AGAP1: variants seen among roughly 807,000 people sequenced by gnomAD.
The protein encoded by AGAP1 is arf-GAP with GTPase, ANK repeat and PH domain-containing protein 1.
Under a neutral mutation model 105.3 loss-of-function variants are expected in AGAP1, and 29 were observed. The observed-to-expected ratio is 0.28, with a 90% CI of 0.21 to 0.38. The LOEUF is 0.38. AGAP1 is among the 10% of genes least tolerant of loss of function. The probability of loss-of-function intolerance (pLI) is 1.00; values close to 1 mark genes in which losing one functional copy is unlikely to be tolerated. For synonymous variants in AGAP1, 509 were observed against 485.9 expected (o/e 1.05, Z -0.63); for missense variants, 998 against 1,165.1 (o/e 0.86, Z 2.09).
intron 1 of AGAP1, among the ~76,000 whole-genome samples, chr2:235,694,258 T>A (rs950472847): frequency 6.7e-6 from 1 of 148,652 alleles, no homozygotes; most frequent in Non-Finnish European, 1.5e-5. Context: ...GGCGGGCGGA[T>A]CATGGGGTCA....
rs141492901 is a variant in AGAP1, at chr2:236,051,878, G to A, written c.2114+2597G>A. The stretch of plus-strand genomic sequence containing the variant: ...GTCCAAAGCAAAACACACCCAGCCC[G>A]ATAACAGAGTAGAAATTCAGACTCC... On this transcript the variant is annotated intron_variant, in intron 16 of 17. Transcript: ENST00000304032. This position sits in a 1 kb window ranked among gnomAD's most constrained non-coding sequence, Gnocchi z 5.9. Among the ~76,000 whole-genome samples the A allele has an allele frequency of 1.3e-5, 2 of 152,248 alleles. No individual in the cohort carries two copies. Among genetic ancestry groups the A allele is most frequent in the South Asian group, 2.1e-4 (1 of 4,812 alleles).
At position 235,604,295 on chromosome 2, in the gene AGAP1, C is replaced by T. The variant is rs372670810; in HGVS notation, c.164-104884C>T. Among the ~76,000 whole-genome samples the T allele has an allele frequency of 2.0e-4, 30 of 152,020 alleles. No homozygotes were observed. The East Asian group carries it at 5.3e-3, about 27-fold the overall frequency. On this transcript the variant is annotated intron_variant, in intron 1 of 17. Transcript: ENST00000304032. ...AGGGATTTGAGACCAGGCTGGGCAGCATAGTGAGACCCCGCCTATACAACA... is the reference window on the plus strand; with the variant it reads ...AGGGATTTGAGACCAGGCTGGGCAGTATAGTGAGACCCCGCCTATACAACA...
rs1274575239 is a variant in AGAP1, at chr2:235,834,899, A to G, written c.1050+27568A>G. On this transcript the variant is annotated intron_variant, in intron 9 of 17. Transcript: ENST00000304032. ...AGGGAGAGCCTGTCTTAATCACGCC[A>G]CGCAGGTGGAACAGACTCTATGCAG... Among the ~76,000 whole-genome samples, 3 of 152,224 alleles carry G rather than the reference A, an allele frequency of 2.0e-5. No individual in the cohort carries two copies. The East Asian group carries it at 5.8e-4, about 29-fold the overall frequency.
intron 6 of AGAP1, among the ~76,000 whole-genome samples, chr2:235,755,224 G>T (rs1953821515): frequency 6.6e-6 from 1 of 152,174 alleles, no homozygotes; most frequent in South Asian, 2.1e-4. Flanking sequence ...GTCAGATTCT[G>T]CATGGCTCTG....
intron 12 of AGAP1, among the ~76,000 whole-genome samples, chr2:235,968,032 C>T (rs2125341567): frequency 6.6e-6 from 1 of 152,338 alleles, no homozygotes; most frequent in East Asian, 1.9e-4. Flanking sequence ...TTATCCTGTG[C>T]ACCCACAGGA....
chr2:235,805,524 T>C (rs144779186), intron 8 of AGAP1, among the ~76,000 whole-genome samples: 32 of 152,302 alleles, frequency 2.1e-4, no homozygotes, highest in African/African-American at 6.5e-4. Flanking sequence ...ATTCCCAAAG[T>C]ACTCTTAAAT....
intron 13 of AGAP1, among the ~76,000 whole-genome samples, chr2:236,023,531 C>A (rs775629969): frequency 1.3e-5 from 2 of 152,136 alleles, no homozygotes; most frequent in Non-Finnish European, 2.9e-5. Flanking sequence ...GTGTTCACCA[C>A]GGCTTTGTGG....
intron 1 of AGAP1, among the ~76,000 whole-genome samples, chr2:235,678,599 C>G (rs1199415105): frequency 1.3e-5 from 2 of 152,136 alleles, no homozygotes; most frequent in East Asian, 1.9e-4. Flanking sequence ...TCCTAGTTTT[C>G]AAGGTCTAGA....
intron 12 of AGAP1, among the ~76,000 whole-genome samples, chr2:235,956,397 T>C (rs534378952): frequency 4.8e-4 from 73 of 152,346 alleles, no homozygotes; most frequent in African/African-American, 1.6e-3. Context: ...TGCTCCCTTC[T>C]GTCACACTCC....
intron 13 of AGAP1, among the ~76,000 whole-genome samples, chr2:235,991,601 G>C (rs1530937): frequency 0.68 from 102,672 of 152,092 alleles, 36,485 homozygotes; most frequent in African/African-American, 0.92. Context: ...AGATTATTTT[G>C]CGAGGTTGGT....
intron 11 of AGAP1, among the ~76,000 whole-genome samples, chr2:235,921,046 T>C (rs553241412): frequency 6.6e-6 from 1 of 152,330 alleles, no homozygotes; most frequent in South Asian, 2.1e-4. Context: ...GAAAATTAAT[T>C]AGCAACATAT....
intron 2 of AGAP1, among the ~76,000 whole-genome samples, chr2:235,709,866 A>G (rs113176663): frequency 1.3e-5 from 2 of 152,296 alleles, no homozygotes; most frequent in African/African-American, 4.8e-5. Flanking sequence ...GGAAGGGGCA[A>G]GTCTAACTTT....
At chr2:235,890,440 C>T (rs996317101) in intron 10 of AGAP1, among the ~76,000 whole-genome samples, 2 of 152,226 alleles carry the variant, frequency 1.3e-5, no homozygotes, top group African/African-American at 4.8e-5. Flanking sequence ...GCATGAGCCA[C>T]TCTGCCCAGC....
At chr2:235,511,907 T>TGTGA in intron 1 of AGAP1, among the ~76,000 whole-genome samples, 1 of 50,494 alleles carries the variant, frequency 2.0e-5, no homozygotes, top group Non-Finnish European at 3.8e-5. Flanking sequence ...TGTGAATGAG[T>TGTGA]ATGTGGATGT....
At position 235,559,060 on chromosome 2, in the gene AGAP1, C is replaced by A. The variant is rs1944064839; in HGVS notation, c.163+64211C>A. On this transcript the variant is annotated intron_variant, in intron 1 of 17. Transcript: ENST00000304032. This position sits in a 1 kb window ranked among gnomAD's most constrained non-coding sequence, Gnocchi z 5.7. The stretch of plus-strand genomic sequence containing the variant: ...ACCTCAGCCTCCTAGGTAGCTGAGA[C>A]TACAGGCATGCGCCACTACACCCGA... 6.6e-6 allele frequency among the ~76,000 whole-genome samples: 1 copy of A among 152,150 alleles called. No individual in the cohort carries two copies. Among genetic ancestry groups the A allele is most frequent in the South Asian group, 2.1e-4 (1 of 4,826 alleles).
chr2:235,977,129 G>A lies in AGAP1; in HGVS notation c.1645+8506G>A, dbSNP rs921047807. Among the ~76,000 whole-genome samples the A allele has an allele frequency of 1.3e-5, 2 of 152,244 alleles. No individual in the cohort carries two copies. Among genetic ancestry groups the A allele is most frequent in the Middle Eastern group, 3.4e-3 (1 of 294 alleles). ...TTAGCACAAGCTGCTCACAGGCTCC[G>A]GCGTCCATCAGCAGAGAACTCGGGG... On this transcript the variant is annotated intron_variant, in intron 13 of 17. Coordinates refer to ENST00000304032, the MANE Select transcript of AGAP1 (RefSeq NM_001037131.3). The surrounding 1 kb of genome is among the most constrained non-coding windows in gnomAD (Gnocchi z 5.2).
chr2:235,806,957 C>T (rs1434999543), intron 8 of AGAP1, among the ~76,000 whole-genome samples: 1 of 152,022 alleles, frequency 6.6e-6, no homozygotes, highest in Admixed American at 6.5e-5. Context: ...CCCATATGGC[C>T]CATTGGTTTC....
chr2:235,849,217 A>T (rs1961864850), intron 9 of AGAP1, among the ~76,000 whole-genome samples: 2 of 152,224 alleles, frequency 1.3e-5, no homozygotes, highest in Non-Finnish European at 2.9e-5. Flanking sequence ...AATACTAAAG[A>T]CCGCCATCAA....
intron 9 of AGAP1, among the ~76,000 whole-genome samples, chr2:235,880,958 A>G (rs28395245): frequency 0.058 from 8,894 of 152,180 alleles, 859 homozygotes; most frequent in African/African-American, 0.2. Flanking sequence ...TGTGGGCTTC[A>G]TTGGGTTGAT....
Sources: allele counts gnomAD v4.1 joint callset (sites outside exome capture counted in the v4.1 genomes callset), GRCh38; gene constraint gnomAD v4.1.1; non-coding constraint Gnocchi (gnomAD v3.1); transcripts MANE v1.5; gene names NCBI Gene and HGNC (gene_info 2026-07-23, HGNC 2026-07-21).